Variants in INSR observed in about 807,000 individuals in gnomAD.
The protein encoded by INSR is insulin receptor, also known as IR.
A neutral mutation model predicts 142.6 loss-of-function variants in INSR; 67 were observed. That is an observed-to-expected ratio of 0.47 (90% CI 0.39 to 0.58). The LOEUF is 0.58. INSR is among the 20% of genes least tolerant of loss of function. INSR has a pLI of 0.00. For missense variants in INSR, 1,248 were observed against 1,833.2 expected (o/e 0.68, Z 5.83); for synonymous variants, 756 against 743.1 (o/e 1.02, Z -0.28).
intron 11 of INSR, among the ~76,000 whole-genome samples, chr19:7,145,533 A>C (rs1312332601): frequency 6.6e-6 from 1 of 152,200 alleles, no homozygotes; most frequent in Non-Finnish European, 1.5e-5. Context: ...AGAGGGGTCA[A>C]CAAAATTTTC....
chr19:7,120,313 C>A (rs1373132412), intron 20 of INSR, among the ~76,000 whole-genome samples: 1 of 152,214 alleles, frequency 6.6e-6, no homozygotes, highest in Non-Finnish European at 1.5e-5. Flanking sequence ...CCAAACTGTG[C>A]TCTGACCACC....
At chr19:7,266,987 C>T (rs1462589915) in intron 2 of INSR, among the ~76,000 whole-genome samples, 1 of 152,102 alleles carries the variant, frequency 6.6e-6, no homozygotes, top group Non-Finnish European at 1.5e-5. Flanking sequence ...CTGACTAGCA[C>T]AGGCGGTGGC....
In INSR at chr19:7,125,668, G is replaced by C; in HGVS notation, c.3014-141C>G. Reference sequence around the variant, plus strand: ...GATCCAGGACCCATGCCGGGCACTGGGCATATGGCCGAGAACAGGACAGGC... The same window carrying C: ...GATCCAGGACCCATGCCGGGCACTGCGCATATGGCCGAGAACAGGACAGGC... On this transcript the variant is annotated intron_variant, in intron 16 of 21. Coordinates refer to ENST00000302850, the MANE Select transcript of INSR (RefSeq NM_000208.4). This position sits in a 1 kb window ranked among gnomAD's most constrained non-coding sequence, Gnocchi z 4.9. The C allele has an allele frequency of 8.7e-7, 1 of 1,147,642 alleles. No individual in the cohort carries two copies. Among genetic ancestry groups the C allele is most frequent in the East Asian group, 2.5e-5 (1 of 40,412 alleles). 71.1% of individuals were successfully genotyped at this position (1,147,642 alleles called of 1,614,324 possible).
intron 6 of INSR, among the ~76,000 whole-genome samples, chr19:7,169,114 G>A (rs942977797): frequency 2.0e-5 from 3 of 152,132 alleles, no homozygotes; most frequent in Non-Finnish European, 2.9e-5. Context: ...ATGCCTGGCC[G>A]TCCCTTTGCA....
intron 2 of INSR, among the ~76,000 whole-genome samples, chr19:7,223,156 G>A (rs935638213): frequency 2.0e-5 from 3 of 152,024 alleles, no homozygotes; most frequent in East Asian, 3.9e-4. Flanking sequence ...GCACTCCAGC[G>A]TGGGTGACAG....
rs1230537270 is a variant in INSR, at chr19:7,256,742, A to T, written c.652+10603T>A. Among the ~76,000 whole-genome samples, 3 of 152,032 alleles carry T rather than the reference A, an allele frequency of 2.0e-5. No individual in the cohort carries two copies. In the East Asian group the frequency reaches 5.8e-4, roughly 29 times the overall value. On this transcript the variant is annotated intron_variant, in intron 2 of 21. Coordinates refer to ENST00000302850, the MANE Select transcript of INSR (RefSeq NM_000208.4). The stretch of plus-strand genomic sequence containing the variant: ...ACCCTTGTCTCAAAAAGAAAAAACA[A>T]GAAAAAAAAATGCCAATCATCTGAG...
At chr19:7,265,230 T>C (rs1367290574) in intron 2 of INSR, among the ~76,000 whole-genome samples, 1 of 152,130 alleles carries the variant, frequency 6.6e-6, no homozygotes. Context: ...GAACAGTCAC[T>C]ACCATGATCA....
rs984637274 is a variant in INSR at position 7,294,388 on chromosome 19, G to A, written c.-497C>T. 6.6e-6 allele frequency among the ~76,000 whole-genome samples: 1 copy of A among 151,702 alleles called. No individual in the cohort carries two copies. The highest frequency in any genetic ancestry group is 2.1e-4 in the South Asian group (1 of 4,832). ...CGGCCCGTCAGCTGGGCCCCGTGCG[G>A]GCCGCGGGAAAAGGCGGCGCGGATC... On this transcript the variant is annotated 5_prime_UTR_variant, in exon 1 of 22. Coordinates refer to ENST00000302850, the MANE Select transcript of INSR (RefSeq NM_000208.4).
intron 14 of INSR, 133 bp downstream of exon 14, chr19:7,132,025 G>A (rs554042899): frequency 1.6e-4 from 177 of 1,074,992 alleles, no homozygotes; most frequent in Middle Eastern, 2.3e-4. Context: ...GGCAAGCACC[G>A]CAGCAGCTGA....
At chr19:7,139,362 C>T (rs1973013537) in intron 13 of INSR, among the ~76,000 whole-genome samples, 1 of 152,146 alleles carries the variant, frequency 6.6e-6, no homozygotes, top group Admixed American at 6.5e-5. Flanking sequence ...AAATGGTTTC[C>T]AGATAAAATT....
At chr19:7,221,266 C>T (rs1013426303) in intron 2 of INSR, among the ~76,000 whole-genome samples, 4 of 151,606 alleles carry the variant, frequency 2.6e-5, no homozygotes, top group South Asian at 2.1e-4. Context: ...CCCAGCTACT[C>T]GGGAGGCTGA....
rs138652716 is a variant in INSR, at chr19:7,146,461, C to T, written c.2268-3371G>A. 6.4e-3 allele frequency among the ~76,000 whole-genome samples: 979 copies of T among 151,992 alleles called. 5 individuals carry two copies. Among genetic ancestry groups the T allele is most frequent in the East Asian group, 0.041 (210 of 5,168 alleles). On this transcript the variant is annotated intron_variant, in intron 11 of 21. Coordinates refer to ENST00000302850, the MANE Select transcript of INSR (RefSeq NM_000208.4). ...TTCACCATGTTGACCAGAATGTTCT[C>T]AATCTCTTGACCTTGTGATCCGCCC... is the stretch of plus-strand genomic sequence containing the variant.
intron 4 of INSR, 105 bp from the exon 5 acceptor site, chr19:7,172,539 A>G (rs1414659173): frequency 1.6e-6 from 2 of 1,242,340 alleles, no homozygotes; most frequent in Admixed American, 1.7e-5. Flanking sequence ...ATGACTGGAC[A>G]TACCCAGCTC....
At chr19:7,195,784 G>GA (rs201159119) in intron 2 of INSR, among the ~76,000 whole-genome samples, 2,207 of 151,628 alleles carry the variant, frequency 0.015, 64 homozygotes, top group African/African-American at 0.051. Flanking sequence ...CTTCGCCTAG[G>GA]AAAAAAAATC....
intron 9 of INSR, among the ~76,000 whole-genome samples, chr19:7,161,166 ATTAT>A (rs1171306238): frequency 1.3e-5 from 2 of 149,468 alleles, no homozygotes; most frequent in East Asian, 1.9e-4. Flanking sequence ...TATTTATATA[ATTAT>A]TTATAAATTT....
At chr19:7,215,935 C>T (rs553408766) in intron 2 of INSR, among the ~76,000 whole-genome samples, 2 of 152,132 alleles carry the variant, frequency 1.3e-5, no homozygotes, top group South Asian at 4.1e-4. Flanking sequence ...TGAACATATT[C>T]GAATCACAAA....
At chr19:7,211,060 C>T (rs759483721) in intron 2 of INSR, among the ~76,000 whole-genome samples, 45 of 152,002 alleles carry the variant, frequency 3.0e-4, no homozygotes, top group Non-Finnish European at 1.5e-4. Context: ...CCCTTGGGGC[C>T]TGCTTGTTAG....
intron 17 of INSR, among the ~76,000 whole-genome samples, chr19:7,123,348 T>C (rs951509372): frequency 2.6e-5 from 4 of 151,810 alleles, no homozygotes; most frequent in African/African-American, 4.8e-5. Flanking sequence ...TTTGTATTTT[T>C]AGTAGAGACA....
At chr19:7,149,135 C>T (rs1973257665) in intron 11 of INSR, among the ~76,000 whole-genome samples, 1 of 151,478 alleles carries the variant, frequency 6.6e-6, no homozygotes, top group Non-Finnish European at 1.5e-5. Context: ...TCTCGATCTT[C>T]TGATCTCATG....
Sources: gnomAD v4.1 joint callset for allele counts (sites outside exome capture counted in the v4.1 genomes callset) on GRCh38, gnomAD v4.1.1 for gene constraint, Gnocchi (gnomAD v3.1) non-coding constraint, MANE v1.5 for transcripts, NCBI Gene and HGNC (gene_info 2026-07-23, HGNC 2026-07-21) for gene names.